Variants in FADS1 observed in about 807,000 individuals in gnomAD.
The protein encoded by FADS1 is acyl-CoA (8-3)-desaturase.
In FADS1, 17 loss-of-function variants were observed where a neutral mutation model predicts 61.6. The ratio of observed to expected loss-of-function variants is 0.28; its 90% CI spans 0.19 to 0.41. The LOEUF (loss-of-function observed/expected upper bound fraction) is 0.41. Ranked by LOEUF, FADS1 falls within the 10% of genes least tolerant of loss-of-function variation. The pLI, the probability that FADS1 is intolerant of heterozygous loss-of-function variation, is 1.00. For synonymous variants in FADS1, 238 were observed against 258.7 expected (o/e 0.92, Z 0.77); for missense variants, 387 against 650.9 (o/e 0.59, Z 4.41).
rs921537374 is a variant in FADS1, at chr11:61,816,484, C to A, written c.375+71G>T. The stretch of plus-strand genomic sequence containing the variant: ...ATTAGTCGGTGTTTGGCTCGGAGTG[C>A]GTAACTCTGTCTCCCCTGCACTCAG... On this transcript the variant is annotated intron_variant, in intron 1 of 11. Transcript: ENST00000350997. This position sits in a 1 kb window ranked among gnomAD's most constrained non-coding sequence, Gnocchi z 7.0. 3.7e-6 allele frequency: 6 copies of A among 1,600,876 alleles called. No homozygotes were observed. The highest frequency in any genetic ancestry group is 4.2e-6 in the Non-Finnish European group (5 of 1,178,572).
rs369826457 is a variant in FADS1 at position 61,810,898 on chromosome 11, A to G, written c.787-19T>C. ...GGGCCCCCTACAGAAAAGCAGGGACACGAGTATGAAAAGCTTCCCCCAAGG... is the reference window on the plus strand; with the variant it reads ...GGGCCCCCTACAGAAAAGCAGGGACGCGAGTATGAAAAGCTTCCCCCAAGG... On this transcript the variant is annotated intron_variant, in intron 4 of 11. Transcript: ENST00000350997. 1.9e-6 allele frequency: 3 copies of G among 1,614,046 alleles called. No individual in the cohort carries two copies. Among genetic ancestry groups the G allele is most frequent in the Admixed American group, 1.7e-5 (1 of 60,002 alleles).
Position 61,816,783 on chromosome 11 carries a change from CG to C in FADS1, c.146del (p.Pro49ArgfsTer45). 8.6e-6 allele frequency: 13 copies of C among 1,518,156 alleles called. No individual in the cohort carries two copies. Among genetic ancestry groups the C allele is most frequent in the Non-Finnish European group, 1.1e-5 (13 of 1,138,988 alleles). 94.0% of individuals were successfully genotyped at this position (1,518,156 alleles called of 1,614,324 possible). On this transcript the variant is annotated frameshift_variant, in exon 1 of 12. Transcript: ENST00000350997. LOFTEE classifies it high-confidence loss of function. The surrounding 1 kb of genome is among the most constrained non-coding windows in gnomAD (Gnocchi z 7.0). ...PSTRLTAPAG[P>X]ARGVARPAMA... Reference sequence around the variant, plus strand: ...TAGCTGGCCTGGCGACGCCGCGCGCCGGGCCAGCAGGGGCTGTCAGGCGCGT... The same window carrying C: ...TAGCTGGCCTGGCGACGCCGCGCGCCGGCCAGCAGGGGCTGTCAGGCGCGT...
intron 5 of FADS1, among the ~76,000 whole-genome samples, chr11:61,808,383 C>G (rs1012285444): frequency 6.6e-6 from 1 of 152,012 alleles, no homozygotes; most frequent in Admixed American, 6.6e-5. Flanking sequence ...TTCTTCTCCC[C>G]GGCCAGCTAT....
intron 5 of FADS1, among the ~76,000 whole-genome samples, chr11:61,810,513 G>A (rs1363913315): frequency 6.6e-6 from 1 of 152,124 alleles, no homozygotes; most frequent in Non-Finnish European, 1.5e-5. Flanking sequence ...GCAAAATGAG[G>A]TGCCTTTTAT....
chr11:61,808,688 G>A (rs1484891710), intron 5 of FADS1, among the ~76,000 whole-genome samples: 1 of 152,228 alleles, frequency 6.6e-6, no homozygotes, highest in Non-Finnish European at 1.5e-5. Context: ...AAGCCCCCAA[G>A]CAAGGGCGCC....
At chr11:61,813,806 ATACAAAAAAT>A (rs1354263102) in intron 1 of FADS1, among the ~76,000 whole-genome samples, 3 of 152,064 alleles carry the variant, frequency 2.0e-5, no homozygotes, top group African/African-American at 7.2e-5. Context: ...TCTACTAAAA[ATACAAAAAAT>A]TAGCCGGGCG....
intron 2 of FADS1, 63 bp from the exon 3 acceptor site, chr11:61,812,731 G>A: frequency 6.7e-7 from 1 of 1,489,226 alleles, no homozygotes; most frequent in South Asian, 1.2e-5. Context: ...CTGGAGACAA[G>A]GGCCCTCTCA....
At chr11:61,809,825 CA>C (rs1194340084) in intron 5 of FADS1, among the ~76,000 whole-genome samples, 2 of 152,142 alleles carry the variant, frequency 1.3e-5, no homozygotes, top group Non-Finnish European at 2.9e-5. Context: ...ACATTATGGA[CA>C]GGTGGGGCAT....
At chr11:61,804,793 T>G (rs1591150321) in intron 6 of FADS1, 32 bp from the exon 7 acceptor site, 2 of 1,593,250 alleles carry the variant, frequency 1.3e-6, no homozygotes, top group African/African-American at 1.3e-5. Context: ...AGAGGAGGCA[T>G]GAGCACAGGA....
chr11:61,801,181 T>C lies in FADS1; in HGVS notation c.*1230A>G, dbSNP rs964554807. 5.3e-5 allele frequency: 8 copies of C among 152,378 alleles called. No homozygotes were observed. The highest frequency in any genetic ancestry group is 1.4e-4 in the African/African-American group (6 of 41,460). The allele number at this position is 152,378 out of a possible 1,614,324, so 9.4% of individuals were successfully genotyped here. A position where few individuals can be genotyped will look rare whatever the true frequency, so the allele number is the denominator to read the frequency against. ...TTAGGTTATAGAAAGTTTCTACTTA[T>C]AGCCCTTACATTCTTTATGACCGAA... On this transcript the variant is annotated 3_prime_UTR_variant, in exon 12 of 12. Transcript: ENST00000350997.
At chr11:61,813,554 G>C (rs1053873018) in intron 1 of FADS1, 5 of 563,904 alleles carry the variant, frequency 8.9e-6, no homozygotes, top group African/African-American at 1.9e-5. Context: ...GCACCAATCC[G>C]TGCTCTTTAG....
Position 61,803,468 on chromosome 11 carries a change from T to C in FADS1, c.1152-9A>G. Reference sequence around the variant, plus strand: ...AGTTGCTTTCCAGGAACCTGTTAGATGTATTACACAGACAAAAACAGTACA... The same window carrying C: ...AGTTGCTTTCCAGGAACCTGTTAGACGTATTACACAGACAAAAACAGTACA... On this transcript the variant is annotated splice_polypyrimidine_tract_variant and intron_variant, in intron 8 of 11. Coordinates refer to ENST00000350997, the MANE Select transcript of FADS1 (RefSeq NM_013402.7). This position sits in a 1 kb window ranked among gnomAD's most constrained non-coding sequence, Gnocchi z 4.3. The C allele has an allele frequency of 6.2e-7, 1 of 1,608,234 alleles. No homozygotes were observed.
At chr11:61,809,102 C>T (rs1293886737) in intron 5 of FADS1, among the ~76,000 whole-genome samples, 1 of 152,182 alleles carries the variant, frequency 6.6e-6, no homozygotes, top group Non-Finnish European at 1.5e-5. Flanking sequence ...TCTCTCATTG[C>T]TTACTGTCCC....
At chr11:61,812,295 G>A (rs940118175) in intron 3 of FADS1, among the ~76,000 whole-genome samples, 176 bp downstream of exon 3, 1 of 152,182 alleles carries the variant, frequency 6.6e-6, no homozygotes, top group Non-Finnish European at 1.5e-5. Flanking sequence ...ATGTCCATGT[G>A]GCTAAAGAGC....
chr11:61,808,334 T>C, intron 5 of FADS1, among the ~76,000 whole-genome samples: 2 of 128,596 alleles, frequency 1.6e-5, no homozygotes, highest in South Asian at 4.7e-4. Context: ...AGACTCTGTC[T>C]CAAAAAAAAA....
intron 5 of FADS1, 103 bp downstream of exon 5, chr11:61,810,648 C>G: frequency 6.9e-7 from 1 of 1,446,254 alleles, no homozygotes; most frequent in East Asian, 2.3e-5. Context: ...AGCCCAGCCC[C>G]AGTGTCTTGC....
Position 61,802,937 on chromosome 11 carries a change from A to T in FADS1, c.1329-11T>A, listed in dbSNP as rs1332938500. ...ATCGTGGGAAAAAGACTTTAGGGAG[A>T]ACGGGGGAGTCAGTGGTTCCTGCTT... On this transcript the variant is annotated splice_polypyrimidine_tract_variant and intron_variant, in intron 10 of 11. Transcript: ENST00000350997. The surrounding 1 kb of genome is among the most constrained non-coding windows in gnomAD (Gnocchi z 4.2). The T allele has an allele frequency of 6.2e-7, 1 of 1,613,088 alleles. No homozygotes were observed. The highest frequency in any genetic ancestry group is 1.7e-5 in the Admixed American group (1 of 59,994).
Position 61,806,836 on chromosome 11 carries a change from G to A in FADS1, c.916-112C>T, listed in dbSNP as rs1168847857. 4.2e-6 allele frequency: 4 copies of A among 944,412 alleles called. No individual in the cohort carries two copies. The African/African-American group carries it at 4.8e-5, about 11-fold the overall frequency. 58.5% of individuals were successfully genotyped at this position (944,412 alleles called of 1,614,324 possible). A position where few individuals can be genotyped will look rare whatever the true frequency, so the allele number is the denominator to read the frequency against. ...CCTCCTCCAGGGCTGACAGCTTGTT[G>A]GTGCTATTGGAAAGCTCCAAGAGGC... On this transcript the variant is annotated intron_variant, in intron 5 of 11. Transcript: ENST00000350997.
At position 61,801,179 on chromosome 11, in the gene FADS1, T is replaced by TA. The variant is rs2066853292; in HGVS notation, c.*1231dup. On this transcript the variant is annotated 3_prime_UTR_variant, in exon 12 of 12. Transcript: ENST00000350997. ...ATTTAGGTTATAGAAAGTTTCTACT[T>TA]ATAGCCCTTACATTCTTTATGACCG... The TA allele has an allele frequency of 6.6e-6, 1 of 152,392 alleles. No individual in the cohort carries two copies. Among genetic ancestry groups the TA allele is most frequent in the African/African-American group, 2.4e-5 (1 of 41,460 alleles). The allele number at this position is 152,392 out of a possible 1,614,324, so 9.4% of individuals were successfully genotyped here. A position where few individuals can be genotyped will look rare whatever the true frequency, so the allele number is the denominator to read the frequency against.
Sources: allele counts gnomAD v4.1 joint callset (sites outside exome capture counted in the v4.1 genomes callset), GRCh38; gene constraint gnomAD v4.1.1; non-coding constraint Gnocchi (gnomAD v3.1); transcripts MANE v1.5; gene names NCBI Gene and HGNC (gene_info 2026-07-23, HGNC 2026-07-21).